COPS5: variants seen among roughly 807,000 people sequenced by gnomAD.
COPS5 encodes COP9 signalosome complex subunit 5.
A neutral mutation model predicts 44.4 loss-of-function variants in COPS5; 8 were observed. The ratio of observed to expected loss-of-function variants is 0.18; its 90% CI spans 0.11 to 0.32. COPS5 has a LOEUF of 0.32. COPS5 is among the 10% of genes least tolerant of loss of function. The pLI, the probability that COPS5 is intolerant of heterozygous loss-of-function variation, is 1.00. For missense variants in COPS5, 159 were observed against 406.4 expected, an observed-to-expected ratio of 0.39 and a Z score of 5.23; for synonymous variants, 122 against 142.8, an observed-to-expected ratio of 0.85 and a Z score of 1.04.
intron 5 of COPS5, among the ~76,000 whole-genome samples, chr8:67,051,990 CTT>C (rs1443967855): frequency 3.9e-5 from 6 of 152,258 alleles, no homozygotes; most frequent in Non-Finnish European, 4.4e-5. Context: ...CATGAGACAT[CTT>C]TACCTTAAGG....
At chr8:67,061,557 T>G in intron 1 of COPS5, 3 of 452,562 alleles carry the variant, frequency 6.6e-6, no homozygotes, top group South Asian at 4.0e-5. Flanking sequence ...ATGTCGACAC[T>G]GGGCTCAAGG....
intron 5 of COPS5, 117 bp from the exon 6 acceptor site, chr8:67,051,458 T>G: frequency 1.6e-6 from 1 of 618,634 alleles, no homozygotes; most frequent in Non-Finnish European, 2.8e-6. Context: ...CACATTTTAG[T>G]CTTTATTCCA....
intron 1 of COPS5, chr8:67,061,578 G>C (rs774447488): frequency 6.7e-5 from 32 of 474,882 alleles, no homozygotes; most frequent in Non-Finnish European, 1.2e-4. Flanking sequence ...TAGGGTGTGT[G>C]GCATATATGA....
Position 67,051,145 on chromosome 8 carries a change from T to C in COPS5, c.771+85A>G, listed in dbSNP as rs747795955. 6.4e-6 allele frequency: 6 copies of C among 941,206 alleles called. No homozygotes were observed. In the South Asian group the frequency reaches 7.9e-5, roughly 12 times the overall value. 58.3% of individuals were successfully genotyped at this position (941,206 alleles called of 1,614,324 possible). On this transcript the variant is annotated intron_variant, in intron 6 of 7. Transcript: ENST00000357849. ...TGTCTTGGCCAAGTCAGGTATAGCCTTTCTGTGAAACAGTGTTTCAGATAT... is the reference window on the plus strand; with the variant it reads ...TGTCTTGGCCAAGTCAGGTATAGCCCTTCTGTGAAACAGTGTTTCAGATAT...
chr8:67,048,393 A>G (rs1414438264), intron 6 of COPS5, among the ~76,000 whole-genome samples: 1 of 151,858 alleles, frequency 6.6e-6, no homozygotes, highest in Non-Finnish European at 1.5e-5. Flanking sequence ...TTAAAATAAC[A>G]GTAAATACAC....
At chr8:67,061,232 G>A (rs1354888159) in intron 1 of COPS5, 2 of 291,910 alleles carry the variant, frequency 6.9e-6, no homozygotes, top group East Asian at 1.1e-4. Context: ...TATGGGAACT[G>A]GTGGAGTAAC....
intron 6 of COPS5, among the ~76,000 whole-genome samples, chr8:67,047,027 T>C (rs1816710140): frequency 6.6e-6 from 1 of 152,092 alleles, no homozygotes; most frequent in African/African-American, 2.4e-5. Context: ...ATATTACATA[T>C]TTTACCAATA....
chr8:67,048,708 T>A (rs1816731264), intron 6 of COPS5, among the ~76,000 whole-genome samples: 1 of 134,618 alleles, frequency 7.4e-6, no homozygotes, highest in African/African-American at 2.8e-5. Context: ...AGAGTGAGAC[T>A]CCATCTCAAA....
At chr8:67,049,133 A>C (rs1816736947) in intron 6 of COPS5, among the ~76,000 whole-genome samples, 1 of 152,230 alleles carries the variant, frequency 6.6e-6, no homozygotes, top group Non-Finnish European at 1.5e-5. Context: ...GATTTACTTC[A>C]GTCTACATAC....
chr8:67,047,275 T>A (rs959329096), intron 6 of COPS5, among the ~76,000 whole-genome samples: 4 of 152,184 alleles, frequency 2.6e-5, no homozygotes, highest in African/African-American at 9.7e-5. Flanking sequence ...GGGGGCTCTT[T>A]AAAATGCTAC....
intron 4 of COPS5, among the ~76,000 whole-genome samples, chr8:67,056,884 C>T (rs1804522181): frequency 6.6e-6 from 1 of 151,332 alleles, no homozygotes; most frequent in South Asian, 2.1e-4. Context: ...TTTTTCTTCT[C>T]CTTAGGTGAT....
intron 7 of COPS5, chr8:67,044,210 T>C (rs574918904): frequency 2.7e-5 from 4 of 150,568 alleles, no homozygotes; most frequent in Admixed American, 6.6e-5. Context: ...GCCCAGCTAA[T>C]TTTTTTTTTA....
chr8:67,058,276 A>G, intron 2 of COPS5, 65 bp from the exon 3 acceptor site: 1 of 1,517,104 alleles, frequency 6.6e-7, no homozygotes, highest in Non-Finnish European at 9.1e-7. Context: ...GTACCAGTAC[A>G]ATAAGGGTAA....
In COPS5 at chr8:67,045,888, G is replaced by T. The variant is rs931296037; in HGVS notation, c.844C>A (p.Arg282=). 2 of 1,613,932 alleles carry T rather than the reference G, an allele frequency of 1.2e-6. No homozygotes were observed. Among genetic ancestry groups the T allele is most frequent in the Non-Finnish European group, 1.7e-6 (2 of 1,179,896 alleles). Reference sequence around the variant, plus strand: ...TCTAAACCCAACATGAAACTCCCTCGTCCCAGCTGGGCTTCTGACTGCTCT... The same window carrying T: ...TCTAAACCCAACATGAAACTCCCTCTTCCCAGCTGGGCTTCTGACTGCTCT... ...KLEQSEAQLG[R]GSFMLGLETH... is the part of the protein sequence containing the mutation. Residue 282 remains arginine (R), a synonymous_variant, in exon 7 of 8, where the codon CGA becomes AGA. Coordinates refer to ENST00000357849, the MANE Select transcript of COPS5 (RefSeq NM_006837.3).
chr8:67,062,002 A>T lies in COPS5; in HGVS notation c.-6T>A. 4 of 1,614,196 alleles carry T rather than the reference A, an allele frequency of 2.5e-6. No individual in the cohort carries two copies. The South Asian group carries it at 4.4e-5, about 18-fold the overall frequency. ...CCGCTCCCGGACGCCGCCATCGCCGAGGAAGCGGAGAAGTTGTCGTCTCTA... is the reference window on the plus strand; with the variant it reads ...CCGCTCCCGGACGCCGCCATCGCCGTGGAAGCGGAGAAGTTGTCGTCTCTA... On this transcript the variant is annotated 5_prime_UTR_variant, in exon 1 of 8. Transcript: ENST00000357849.
At chr8:67,059,753 A>G (rs915132939) in intron 1 of COPS5, 4 of 300,934 alleles carry the variant, frequency 1.3e-5, no homozygotes, top group South Asian at 3.7e-5. Flanking sequence ...GAATCACCCA[A>G]TCTTGGATTC....
At chr8:67,061,732 G>T (rs572092942) in intron 1 of COPS5, 122 bp downstream of exon 1, 2 of 954,618 alleles carry the variant, frequency 2.1e-6, no homozygotes, top group Non-Finnish European at 3.2e-6. Flanking sequence ...GATCCAAGAC[G>T]CATATTCTGT....
intron 1 of COPS5, chr8:67,059,801 C>T: frequency 4.2e-6 from 1 of 239,986 alleles, no homozygotes; most frequent in Non-Finnish European, 8.2e-6. Context: ...GTTCTGAGGC[C>T]TAACCTTCTG....
intron 5 of COPS5, among the ~76,000 whole-genome samples, chr8:67,051,756 C>A (rs758336325): frequency 1.3e-5 from 2 of 152,192 alleles, no homozygotes; most frequent in Non-Finnish European, 2.9e-5. Flanking sequence ...TTCTTCCCTT[C>A]CTAATTCCCC....
Sources: allele counts gnomAD v4.1 joint callset (sites outside exome capture counted in the v4.1 genomes callset), GRCh38; gene constraint gnomAD v4.1.1; transcripts MANE v1.5; gene names NCBI Gene and HGNC (gene_info 2026-07-23, HGNC 2026-07-21).